The following CTNNA3 variants were observed in gnomAD, a reference collection of about 807,000 sequenced individuals.
The protein encoded by CTNNA3 is catenin alpha-3.
Under a neutral mutation model 95.7 loss-of-function variants are expected in CTNNA3, and 76 were observed. The ratio of observed to expected loss-of-function variants is 0.79; its 90% confidence interval spans 0.66 to 0.96. CTNNA3 has a LOEUF of 0.96. Ranked by LOEUF, CTNNA3 falls within the 40% of genes least tolerant of loss-of-function variation. CTNNA3 has a pLI of 0.00. For synonymous variants in CTNNA3, 431 were observed against 374.4 expected (o/e 1.15, Z -1.74); for missense variants, 1,191 against 1,089.8 (o/e 1.09, Z -1.31).
At chr10:67,006,360 A>T (rs548229010) in intron 7 of CTNNA3, among the ~76,000 whole-genome samples, 27 of 152,224 alleles carry the variant, frequency 1.8e-4, no homozygotes, top group African/African-American at 6.5e-4. Flanking sequence ...AACTTTGCAA[A>T]AGTCGAAGCT....
chr10:66,962,206 ACAATGCCT>A (rs1484127552), intron 7 of CTNNA3, among the ~76,000 whole-genome samples: 1 of 152,166 alleles, frequency 6.6e-6, no homozygotes, highest in Non-Finnish European at 1.5e-5. Context: ...CAAAGTAATT[ACAATGCCT>A]CAAGGCCTAA....
intron 7 of CTNNA3, among the ~76,000 whole-genome samples, chr10:66,904,805 T>A (rs910948495): frequency 6.6e-6 from 1 of 152,056 alleles, no homozygotes; most frequent in African/African-American, 2.4e-5. Flanking sequence ...TAAATGCAAA[T>A]CAAAACCACA....
At position 66,695,403 on chromosome 10, in the gene CTNNA3, C is replaced by T. The variant is rs1229696774; in HGVS notation, c.1281+70861G>A. On this transcript the variant is annotated intron_variant, in intron 9 of 17. Coordinates refer to ENST00000433211, the MANE Select transcript of CTNNA3 (RefSeq NM_013266.4). ...CTCCACTGAAACTTGGACCTTAGCT[C>T]CCTCACTTCTAAAATGGAAATAGAA... 2.0e-5 allele frequency among the ~76,000 whole-genome samples: 3 copies of T among 152,092 alleles called. No homozygotes were observed. In the East Asian group the frequency reaches 5.8e-4, roughly 29 times the overall value.
intron 14 of CTNNA3, among the ~76,000 whole-genome samples, chr10:66,096,918 C>A (rs1004432676): frequency 6.6e-6 from 1 of 152,108 alleles, no homozygotes; most frequent in Non-Finnish European, 1.5e-5. Flanking sequence ...CAAAGTTCCA[C>A]AAGGAAGAAA....
intron 6 of CTNNA3, among the ~76,000 whole-genome samples, chr10:67,183,767 A>C (rs1482703921): frequency 1.3e-5 from 2 of 152,030 alleles, no homozygotes; most frequent in Admixed American, 1.3e-4. Context: ...AAAATATAAA[A>C]ATAAAAAATG....
chr10:66,721,131 AGT>A (rs1848615634), intron 9 of CTNNA3, among the ~76,000 whole-genome samples: 1 of 152,198 alleles, frequency 6.6e-6, no homozygotes, highest in South Asian at 2.1e-4. Flanking sequence ...TGAGGGCTAG[AGT>A]GAGAGTTCAG....
intron 7 of CTNNA3, among the ~76,000 whole-genome samples, chr10:66,977,249 C>T (rs900963258): frequency 1.3e-5 from 2 of 151,902 alleles, no homozygotes; most frequent in African/African-American, 4.8e-5. Flanking sequence ...CCATACTGGC[C>T]AACATGGTGA....
intron 13 of CTNNA3, among the ~76,000 whole-genome samples, chr10:66,259,752 C>T (rs2090927570): frequency 6.6e-6 from 1 of 152,128 alleles, no homozygotes; most frequent in African/African-American, 2.4e-5. Flanking sequence ...TTGACTATTA[C>T]ATAACTGACT....
At chr10:67,469,691 T>C (rs1253836810) in intron 5 of CTNNA3, among the ~76,000 whole-genome samples, 2 of 152,100 alleles carry the variant, frequency 1.3e-5, no homozygotes. Context: ...CAAACCACCA[T>C]GGCACATGTA....
chr10:67,038,433 A>T (rs1564847359), intron 7 of CTNNA3, among the ~76,000 whole-genome samples: 1 of 152,084 alleles, frequency 6.6e-6, no homozygotes, highest in Non-Finnish European at 1.5e-5. Context: ...TAAGAAGATG[A>T]AAATATATGT....
chr10:66,720,670 TA>T (rs1336458357), intron 9 of CTNNA3, among the ~76,000 whole-genome samples: 2 of 151,818 alleles, frequency 1.3e-5, no homozygotes, highest in Non-Finnish European at 2.9e-5. Context: ...CCATCTCTAC[TA>T]AAAATACAAA....
chr10:67,501,131 C>T (rs1412325138), intron 5 of CTNNA3, among the ~76,000 whole-genome samples: 2 of 152,124 alleles, frequency 1.3e-5, no homozygotes, highest in Non-Finnish European at 2.9e-5. Flanking sequence ...TTAGTGCTTC[C>T]TTCAGAAGCT....
intron 16 of CTNNA3, among the ~76,000 whole-genome samples, chr10:65,968,604 T>C (rs1456482579): frequency 1.3e-5 from 2 of 152,062 alleles, no homozygotes; most frequent in Admixed American, 6.6e-5. Flanking sequence ...CACTCCACGC[T>C]TGGGCAGATT....
intron 15 of CTNNA3, among the ~76,000 whole-genome samples, chr10:66,048,608 A>G (rs1331437304): frequency 6.6e-6 from 1 of 152,072 alleles, no homozygotes; most frequent in Non-Finnish European, 1.5e-5. Flanking sequence ...AAAATACAAA[A>G]AAATTAGCCA....
intron 7 of CTNNA3, among the ~76,000 whole-genome samples, chr10:66,910,959 A>G (rs1164074772): frequency 6.6e-6 from 1 of 152,220 alleles, no homozygotes; most frequent in African/African-American, 2.4e-5. Context: ...ACCATTCTGA[A>G]GTTGCCCTTT....
intron 12 of CTNNA3, among the ~76,000 whole-genome samples, chr10:66,343,160 G>A (rs967490147): frequency 6.6e-6 from 1 of 152,000 alleles, no homozygotes; most frequent in Non-Finnish European, 1.5e-5. Flanking sequence ...ATGGAGAAGG[G>A]TATGGAAGTT....
intron 11 of CTNNA3, among the ~76,000 whole-genome samples, chr10:66,478,890 A>T (rs1211802950): frequency 6.6e-6 from 1 of 151,880 alleles, no homozygotes; most frequent in African/African-American, 2.4e-5. Context: ...ATTTCTTGCT[A>T]AACAGAATTT....
At chr10:66,269,125 T>G (rs568511601) in intron 13 of CTNNA3, among the ~76,000 whole-genome samples, 1 of 152,370 alleles carries the variant, frequency 6.6e-6, no homozygotes, top group East Asian at 1.9e-4. Flanking sequence ...CATTAACCCT[T>G]TTAAACTCTG....
chr10:66,694,143 G>A (rs1311287303), intron 9 of CTNNA3, among the ~76,000 whole-genome samples: 6 of 151,886 alleles, frequency 4.0e-5, no homozygotes, highest in African/African-American at 1.5e-4. Context: ...GAGACACAAA[G>A]TACCCTTCAA....
Sources: gnomAD v4.1 joint callset for allele counts (sites outside exome capture counted in the v4.1 genomes callset) on GRCh38, gnomAD v4.1.1 for gene constraint, MANE v1.5 for transcripts, NCBI Gene and HGNC (gene_info 2026-07-23, HGNC 2026-07-21) for gene names.